RBFOX1: variants seen among roughly 807,000 people sequenced by gnomAD.
The protein encoded by RBFOX1 is RNA binding fox-1 homolog 1.
In RBFOX1, 8 loss-of-function variants were observed where a neutral mutation model predicts 57.7. That is an observed-to-expected ratio of 0.14 (90% CI 0.08 to 0.25). The LOEUF is 0.25. Among genes scored for constraint, RBFOX1 ranks in the 10% least tolerant of loss-of-function variants. RBFOX1 has a pLI of 1.00. For missense variants in RBFOX1, 611 were observed against 548.5 expected, an observed-to-expected ratio of 1.11 and a Z score of -1.14; for synonymous variants, 326 against 222.4, an observed-to-expected ratio of 1.47 and a Z score of -4.15.
At chr16:6,884,075 C>T (rs1272152241) in intron 3 of RBFOX1, among the ~76,000 whole-genome samples, 1 of 152,146 alleles carries the variant, frequency 6.6e-6, no homozygotes, top group Non-Finnish European at 1.5e-5. Context: ...GCGGTGGCTG[C>T]TGTGTTATGC....
chr16:7,284,453 C>T (rs1007964193), intron 4 of RBFOX1, among the ~76,000 whole-genome samples: 7 of 152,178 alleles, frequency 4.6e-5, no homozygotes, highest in Non-Finnish European at 7.3e-5. Flanking sequence ...ACCTCAGCCT[C>T]CTGAGTAGCT....
intron 4 of RBFOX1, among the ~76,000 whole-genome samples, chr16:7,208,872 A>C (rs925389405): frequency 6.6e-6 from 1 of 152,098 alleles, no homozygotes; most frequent in African/African-American, 2.4e-5. Context: ...AAAGCCCACC[A>C]GTTCTCCTAA....
At chr16:6,614,866 G>A (rs115989235) in intron 2 of RBFOX1, among the ~76,000 whole-genome samples, 1,702 of 152,274 alleles carry the variant, frequency 0.011, 36 homozygotes, top group African/African-American at 0.038. Flanking sequence ...TATTAATAAA[G>A]TGACTCTGTG....
intron 1 of RBFOX1, chr16:5,240,213 G>A (rs982275394): frequency 2.1e-5 from 16 of 774,268 alleles, no homozygotes; most frequent in African/African-American, 1.7e-4. Flanking sequence ...GTTGAAGTTG[G>A]TAACTGAGTG....
At chr16:5,857,373 C>T (rs995892980) in intron 3 of RBFOX1, among the ~76,000 whole-genome samples, 1 of 152,000 alleles carries the variant, frequency 6.6e-6, no homozygotes, top group Non-Finnish European at 1.5e-5. Flanking sequence ...GCAGGTATTA[C>T]CAAAATGTGC....
At chr16:5,942,683 C>G (rs1481252758) in intron 4 of RBFOX1, among the ~76,000 whole-genome samples, 1 of 152,100 alleles carries the variant, frequency 6.6e-6, no homozygotes, top group Admixed American at 6.5e-5. Context: ...CTACCTTTCT[C>G]CCAAAGTTAG....
intron 4 of RBFOX1, among the ~76,000 whole-genome samples, chr16:7,487,907 C>A (rs1347363608): frequency 6.6e-6 from 1 of 152,138 alleles, no homozygotes; most frequent in Non-Finnish European, 1.5e-5. Context: ...AAATCTATTA[C>A]CAGCGTCCGA....
intron 4 of RBFOX1, among the ~76,000 whole-genome samples, chr16:7,268,784 A>C (rs1234756679): frequency 6.6e-6 from 1 of 152,136 alleles, no homozygotes; most frequent in Non-Finnish European, 1.5e-5. Context: ...CTGTAATCAC[A>C]GCACTTTGGG....
At chr16:7,552,420 C>A (rs1454240834) in intron 5 of RBFOX1, among the ~76,000 whole-genome samples, 2 of 152,102 alleles carry the variant, frequency 1.3e-5, no homozygotes, top group Non-Finnish European at 2.9e-5. Context: ...AAGACCTTTT[C>A]TGGAAGCCTT....
chr16:6,498,770 G>A (rs2095842167), intron 2 of RBFOX1, among the ~76,000 whole-genome samples: 1 of 152,198 alleles, frequency 6.6e-6, no homozygotes, highest in African/African-American at 2.4e-5. Context: ...ATTGGATAAT[G>A]TTTCAGAGTC....
intron 2 of RBFOX1, among the ~76,000 whole-genome samples, chr16:6,359,707 A>G (rs565900364): frequency 6.6e-6 from 1 of 152,304 alleles, no homozygotes; most frequent in East Asian, 1.9e-4. Flanking sequence ...TCGAGCATCT[A>G]CTGTCTTCCA....
At chr16:5,366,524 G>A in intron 1 of RBFOX1, 1 of 428,470 alleles carries the variant, frequency 2.3e-6, no homozygotes, top group Non-Finnish European at 4.5e-6. Context: ...ACACCGAAAG[G>A]ACCTAGTTCT....
chr16:7,529,738 G>A (rs1482429890), intron 5 of RBFOX1, among the ~76,000 whole-genome samples: 1 of 152,078 alleles, frequency 6.6e-6, no homozygotes, highest in Non-Finnish European at 1.5e-5. Context: ...GCTGGGCATG[G>A]TAGCTCACGC....
chr16:6,977,460 A>C (rs908727893), intron 3 of RBFOX1, among the ~76,000 whole-genome samples: 2 of 152,070 alleles, frequency 1.3e-5, no homozygotes, highest in Non-Finnish European at 2.9e-5. Flanking sequence ...AGAGGCCAGG[A>C]ATGCCTGACT....
chr16:6,974,349 T>C lies in RBFOX1; in HGVS notation c.-15-77708T>C, dbSNP rs1243919210. Among the ~76,000 whole-genome samples the C allele has an allele frequency of 8.5e-5, 12 of 141,312 alleles. No individual in the cohort carries two copies. In the Admixed American group the frequency reaches 8.6e-4, roughly 10 times the overall value. The allele number at this position is 141,312 out of a possible 152,430, so 92.7% of individuals were successfully genotyped here. On this transcript the variant is annotated intron_variant, in intron 3 of 15. Coordinates refer to ENST00000550418, the MANE Select transcript of RBFOX1 (RefSeq NM_018723.4). ...TTTTTTCTTTTTCTTTTTTTTTTTT[T>C]TTTTTTTTTTTTTGCGATAGAGTCT...
intron 3 of RBFOX1, among the ~76,000 whole-genome samples, chr16:5,620,635 A>G (rs951180262): frequency 6.6e-6 from 1 of 152,044 alleles, no homozygotes; most frequent in East Asian, 1.9e-4. Flanking sequence ...CATAAGAACA[A>G]CAGTCTTGTT....
chr16:6,563,926 A>G (rs978348996), intron 2 of RBFOX1, among the ~76,000 whole-genome samples: 3 of 151,826 alleles, frequency 2.0e-5, no homozygotes, highest in Non-Finnish European at 4.4e-5. Context: ...GTATATATAT[A>G]TATCCCATTA....
chr16:7,486,437 T>C (rs1441265317), intron 4 of RBFOX1, among the ~76,000 whole-genome samples: 1 of 152,026 alleles, frequency 6.6e-6, no homozygotes, highest in Non-Finnish European at 1.5e-5. Context: ...GTACCCGGCC[T>C]TGTGTCTTTT....
At chr16:6,957,100 A>T (rs28424080) in intron 3 of RBFOX1, among the ~76,000 whole-genome samples, 7 of 142,050 alleles carry the variant, frequency 4.9e-5, no homozygotes, top group South Asian at 2.1e-4. Context: ...TATTTATTTT[A>T]TTTTTTTATT....
Sources: allele counts gnomAD v4.1 joint callset (sites outside exome capture counted in the v4.1 genomes callset), GRCh38; gene constraint gnomAD v4.1.1; transcripts MANE v1.5; gene names NCBI Gene and HGNC (gene_info 2026-07-23, HGNC 2026-07-21).